The following MED26 variants were observed in gnomAD, a reference collection of about 807,000 sequenced individuals.
MED26 encodes the protein mediator of RNA polymerase II transcription subunit 26.
MED26 carries 7 observed loss-of-function variants against 43.7 expected under a neutral mutation model. The ratio of observed to expected loss-of-function variants is 0.16; its 90% CI spans 0.09 to 0.30. MED26 has a LOEUF of 0.30. MED26 is among the 10% of genes least tolerant of loss of function. MED26 has a pLI of 1.00. For synonymous variants in MED26, 375 were observed against 371.1 expected, an observed-to-expected ratio of 1.01 and a Z score of -0.12; for missense variants, 784 against 840.6, an observed-to-expected ratio of 0.93 and a Z score of 0.83.
intron 1 of MED26, among the ~76,000 whole-genome samples, chr19:16,622,266 C>G (rs529531449): frequency 1.3e-5 from 2 of 152,202 alleles, no homozygotes; most frequent in South Asian, 2.1e-4. Flanking sequence ...CCACATGCCA[C>G]GGCACCCCAC....
intron 1 of MED26, among the ~76,000 whole-genome samples, chr19:16,616,588 AAC>A (rs1240759778): frequency 6.6e-6 from 1 of 152,158 alleles, no homozygotes; most frequent in Non-Finnish European, 1.5e-5. Context: ...TGGCACCACC[AAC>A]AGACACAGCA....
chr19:16,604,106 C>T (rs1014942466), intron 1 of MED26, among the ~76,000 whole-genome samples: 4 of 152,248 alleles, frequency 2.6e-5, no homozygotes, highest in African/African-American at 9.6e-5. Flanking sequence ...CATGAAGCGG[C>T]TTCTAGCAGG....
chr19:16,582,368 C>T (rs994020900), intron 1 of MED26, among the ~76,000 whole-genome samples: 1 of 152,222 alleles, frequency 6.6e-6, no homozygotes, highest in Non-Finnish European at 1.5e-5. Context: ...TGCAAAGGGC[C>T]TGGCCCCGAC....
chr19:16,614,526 CAAAAT>C (rs1273425363), intron 1 of MED26, among the ~76,000 whole-genome samples: 3 of 119,926 alleles, frequency 2.5e-5, no homozygotes, highest in Admixed American at 9.4e-5. Context: ...GACCCCATTT[CAAAAT>C]AAAATAAAAT....
At position 16,587,960 on chromosome 19, in the gene MED26, T is replaced by A. The variant is rs897100554; in HGVS notation, c.73-9551A>T. On this transcript the variant is annotated intron_variant, in intron 1 of 2. Transcript: ENST00000263390. The surrounding 1 kb of genome is among the most constrained non-coding windows in gnomAD (Gnocchi z 4.9). Reference sequence around the variant, plus strand: ...GAAGCCAGGAGGCAGGCAGCGCTGCTCTCCACAGCCACTGCCCCCACAGCG... The same window carrying A: ...GAAGCCAGGAGGCAGGCAGCGCTGCACTCCACAGCCACTGCCCCCACAGCG... The A allele has an allele frequency of 6.6e-6, 1 of 152,240 alleles. No individual in the cohort carries two copies. Among genetic ancestry groups the A allele is most frequent in the Non-Finnish European group, 1.5e-5 (1 of 68,080 alleles). The allele number at this position is 152,240 out of a possible 1,614,324, so 9.4% of individuals were successfully genotyped here. A position where few individuals can be genotyped will look rare whatever the true frequency, so the allele number is the denominator to read the frequency against.
chr19:16,616,897 A>T (rs1231709206), intron 1 of MED26, among the ~76,000 whole-genome samples: 1 of 152,156 alleles, frequency 6.6e-6, no homozygotes, highest in Non-Finnish European at 1.5e-5. Flanking sequence ...CATTCATTCC[A>T]AGTGCCCATG....
Position 16,576,392 on chromosome 19 carries a change from G to A in MED26, c.1438C>T (p.Leu480=). The stretch of plus-strand genomic sequence containing the variant: ...GACTGGATGATCTCGTTGCGTGACA[G>A]CTCCTTCCAGTTCGTCTGTTCGAAG... The part of the protein sequence containing the change: ...SPFEQTNWKE[L]SRNEIIQSYL... The change falls in exon 3 of 3, where the codon CTG becomes TTG. Residue 480 remains leucine (L), a synonymous_variant. Transcript: ENST00000263390. This position sits in a 1 kb window ranked among gnomAD's most constrained non-coding sequence, Gnocchi z 6.8. 6 of 1,614,120 alleles carry A rather than the reference G, an allele frequency of 3.7e-6. 1 individual carries two copies. The Middle Eastern group carries it at 8.2e-4, about 222-fold the overall frequency.
intron 1 of MED26, among the ~76,000 whole-genome samples, chr19:16,622,336 T>C (rs1161870224): frequency 6.6e-6 from 1 of 152,178 alleles, no homozygotes; most frequent in Non-Finnish European, 1.5e-5. Context: ...CCAAGCCCCT[T>C]GGGCACAGGG....
chr19:16,583,845 C>G (rs1234052352), intron 1 of MED26, among the ~76,000 whole-genome samples: 1 of 152,058 alleles, frequency 6.6e-6, no homozygotes, highest in Non-Finnish European at 1.5e-5. Context: ...TCAGAAAAAC[C>G]AAGCAGGGAG....
rs2085988537 is a variant in MED26, at chr19:16,575,459, G to A, written c.*568C>T. ...CAGCTGGCCCGCCTGCCCAATGCCA[G>A]TGGCTCACCACAGCTGAGAAGCTTC... On this transcript the variant is annotated 3_prime_UTR_variant, in exon 3 of 3. Transcript: ENST00000263390. 6.5e-6 allele frequency: 1 copy of A among 153,194 alleles called. No individual in the cohort carries two copies. The highest frequency in any genetic ancestry group is 1.9e-4 in the East Asian group (1 of 5,198). 9.5% of individuals were successfully genotyped at this position (153,194 alleles called of 1,614,324 possible).
At chr19:16,627,001 A>AG (rs2122468329) in intron 1 of MED26, among the ~76,000 whole-genome samples, 1 of 147,318 alleles carries the variant, frequency 6.8e-6, no homozygotes, top group East Asian at 2.1e-4. Flanking sequence ...GCCTCAGCAA[A>AG]GGGGCACCCG....
intron 1 of MED26, among the ~76,000 whole-genome samples, chr19:16,604,913 A>C (rs2086165461): frequency 6.6e-6 from 1 of 152,170 alleles, no homozygotes. Flanking sequence ...ATCTGTTCAT[A>C]TGGGTGCTGT....
intron 1 of MED26, among the ~76,000 whole-genome samples, chr19:16,603,159 A>T (rs16981339): frequency 0.089 from 13,501 of 152,278 alleles, 694 homozygotes; most frequent in Admixed American, 0.12. Context: ...CCACTGAGGC[A>T]AACGGGAGTC....
chr19:16,620,272 C>A (rs954477441), intron 1 of MED26, among the ~76,000 whole-genome samples: 5 of 152,200 alleles, frequency 3.3e-5, no homozygotes, highest in African/African-American at 1.2e-4. Context: ...AGGGAGGCAG[C>A]CAGCAGGTGG....
In MED26 at chr19:16,576,266, G is replaced by T. The variant is rs147206240; in HGVS notation, c.1564C>A (p.Arg522=). 3.7e-6 allele frequency: 6 copies of T among 1,611,304 alleles called. No homozygotes were observed. The highest frequency in any genetic ancestry group is 8.5e-7 in the Non-Finnish European group (1 of 1,179,994). Residue 522 remains arginine, a synonymous_variant, in exon 3 of 3, where the codon CGG becomes AGG. Coordinates refer to ENST00000263390, the MANE Select transcript of MED26 (RefSeq NM_004831.5). This position sits in a 1 kb window ranked among gnomAD's most constrained non-coding sequence, Gnocchi z 6.8. The stretch of plus-strand genomic sequence containing the variant: ...ACATGCAGCTGCCTGGCCCCTTGCC[G>T]GGTGCTCTCCTCCTGCTTCAGGTAC... The part of the protein sequence containing the change: ...SEYLKQEEST[R]QGARQLHVLV...
chr19:16,622,273 C>G (rs2086255297), intron 1 of MED26, among the ~76,000 whole-genome samples: 2 of 152,206 alleles, frequency 1.3e-5, no homozygotes, highest in African/African-American at 2.4e-5. Context: ...CCACGGCACC[C>G]CACCCAAGCT....
At chr19:16,612,856 A>G (rs919431471) in intron 1 of MED26, among the ~76,000 whole-genome samples, 3 of 152,192 alleles carry the variant, frequency 2.0e-5, no homozygotes, top group Non-Finnish European at 4.4e-5. Flanking sequence ...GCATTTAGAA[A>G]TGTGTAAATT....
chr19:16,627,522 C>T (rs1437510488), intron 1 of MED26, among the ~76,000 whole-genome samples: 1 of 152,238 alleles, frequency 6.6e-6, no homozygotes, highest in African/African-American at 2.4e-5. Flanking sequence ...GGAGGGCTTC[C>T]CGGGGGTCTC....
chr19:16,575,912 G>C lies in MED26; in HGVS notation c.*115C>G. The stretch of plus-strand genomic sequence containing the variant: ...CCGCCCCCTCCCTCCCGCCTGGGCC[G>C]GACTCCCCGAGTTCCCAGCGCAGGA... On this transcript the variant is annotated 3_prime_UTR_variant, in exon 3 of 3. Transcript: ENST00000263390. 3.6e-6 allele frequency: 3 copies of C among 837,646 alleles called. No homozygotes were observed. The highest frequency in any genetic ancestry group is 5.5e-6 in the Non-Finnish European group (3 of 540,590). The allele number at this position is 837,646 out of a possible 1,614,324, so 51.9% of individuals were successfully genotyped here.
Sources: allele counts gnomAD v4.1 joint callset (sites outside exome capture counted in the v4.1 genomes callset), GRCh38; gene constraint gnomAD v4.1.1; non-coding constraint Gnocchi (gnomAD v3.1); transcripts MANE v1.5; gene names NCBI Gene and HGNC (gene_info 2026-07-23, HGNC 2026-07-21).